Variants in CDH6 observed in about 807,000 individuals in gnomAD.
CDH6 encodes the protein cadherin-6.
A neutral mutation model predicts 78.0 loss-of-function variants in CDH6; 31 were observed. That is an observed-to-expected ratio of 0.40 (90% CI 0.30 to 0.54). The LOEUF is 0.54. Among genes scored for constraint, CDH6 ranks in the 20% least tolerant of loss-of-function variants. The pLI is 0.56. For synonymous variants in CDH6, 376 were observed against 368.8 expected (o/e 1.02, Z -0.23); for missense variants, 724 against 975.9 (o/e 0.74, Z 3.44).
chr5:31,200,001 C>G (rs1293143099), intron 1 of CDH6, among the ~76,000 whole-genome samples: 1 of 151,856 alleles, frequency 6.6e-6, no homozygotes, highest in Non-Finnish European at 1.5e-5. Flanking sequence ...GTTGTGATGT[C>G]TTAGAAGTAA....
intron 2 of CDH6, among the ~76,000 whole-genome samples, chr5:31,271,221 T>C (rs1742520693): frequency 6.6e-6 from 1 of 152,150 alleles, no homozygotes; most frequent in Non-Finnish European, 1.5e-5. Context: ...TTGTGATAAG[T>C]CATCGTAGGA....
rs533657049 is a variant in CDH6, at chr5:31,211,083, G to A, written c.-129+17197G>A. Reference sequence around the variant, plus strand: ...TTTATTTTAGCCTGTGTGTGAAGTGGGTTTTTGGTGTGTTTGTTTTGGGAA... The same window carrying A: ...TTTATTTTAGCCTGTGTGTGAAGTGAGTTTTTGGTGTGTTTGTTTTGGGAA... On this transcript the variant is annotated intron_variant, in intron 1 of 11. Coordinates refer to ENST00000265071, the MANE Select transcript of CDH6 (RefSeq NM_004932.4). Among the ~76,000 whole-genome samples the A allele has an allele frequency of 9.2e-5, 14 of 152,256 alleles. No individual in the cohort carries two copies. In the East Asian group the frequency reaches 2.7e-3, roughly 29 times the overall value.
At chr5:31,216,035 T>A (rs897163611) in intron 1 of CDH6, among the ~76,000 whole-genome samples, 1 of 151,932 alleles carries the variant, frequency 6.6e-6, no homozygotes, top group Non-Finnish European at 1.5e-5. Context: ...TATAAAGGGG[T>A]CTTAAGGTGT....
rs1738608211 is a variant in CDH6 at position 31,325,582 on chromosome 5, G to C, written c.*2274G>C. 1 of 230,534 alleles carries C rather than the reference G, an allele frequency of 4.3e-6. No individual in the cohort carries two copies. Among genetic ancestry groups the C allele is most frequent in the Non-Finnish European group, 8.6e-6 (1 of 116,532 alleles). 14.3% of individuals were successfully genotyped at this position (230,534 alleles called of 1,614,324 possible). ...AGGAAGATAGTCCTGTAAAAAGAAAGGTATCATCTGAAGTTGAGGATTGAC... is the reference window on the plus strand; with the variant it reads ...AGGAAGATAGTCCTGTAAAAAGAAACGTATCATCTGAAGTTGAGGATTGAC... On this transcript the variant is annotated 3_prime_UTR_variant, in exon 12 of 12. Coordinates refer to ENST00000265071, the MANE Select transcript of CDH6 (RefSeq NM_004932.4).
chr5:31,264,839 A>C (rs559045305), intron 1 of CDH6, among the ~76,000 whole-genome samples: 1 of 152,354 alleles, frequency 6.6e-6, no homozygotes, highest in African/African-American at 2.4e-5. Flanking sequence ...TTACCAACTA[A>C]GAAAAAGAAT....
At chr5:31,237,559 C>G (rs1167369074) in intron 1 of CDH6, among the ~76,000 whole-genome samples, 1 of 152,100 alleles carries the variant, frequency 6.6e-6, no homozygotes, top group Non-Finnish European at 1.5e-5. Flanking sequence ...ATAGAATCTC[C>G]AACCCTGAAC....
intron 1 of CDH6, among the ~76,000 whole-genome samples, chr5:31,224,475 A>G (rs1028946407): frequency 6.6e-6 from 1 of 152,204 alleles, no homozygotes; most frequent in South Asian, 2.1e-4. Flanking sequence ...TAAGTAAATT[A>G]TCTAAAGTAA....
At chr5:31,289,623 C>A (rs138211242) in intron 2 of CDH6, among the ~76,000 whole-genome samples, 2 of 152,276 alleles carry the variant, frequency 1.3e-5, no homozygotes, top group African/African-American at 4.8e-5. Context: ...TTTCTCCACA[C>A]CCTCACCAAC....
At chr5:31,308,889 A>G (rs973254625) in intron 7 of CDH6, among the ~76,000 whole-genome samples, 1 of 152,126 alleles carries the variant, frequency 6.6e-6, no homozygotes, top group Non-Finnish European at 1.5e-5. Context: ...GAAGCAGCAC[A>G]TCTTAAGCTT....
At chr5:31,313,498 G>T in intron 8 of CDH6, 44 bp downstream of exon 8, 1 of 1,562,122 alleles carries the variant, frequency 6.4e-7, no homozygotes, top group South Asian at 1.2e-5. Context: ...TTAATAGACT[G>T]AGTGTCCCAG....
chr5:31,241,049 G>A (rs1421152379), intron 1 of CDH6, among the ~76,000 whole-genome samples: 1 of 152,204 alleles, frequency 6.6e-6, no homozygotes, highest in African/African-American at 2.4e-5. Context: ...ACTGGATTGG[G>A]GAGAGATTGT....
chr5:31,313,353 T>C lies in CDH6; in HGVS notation c.1289T>C (p.Ile430Thr), dbSNP rs1738207633. Reference sequence around the variant, plus strand: ...GATCGACACACAGATATGGACAGAATATTCAACATTGATTCTGGAAATGGT... The same window carrying C: ...GATCGACACACAGATATGGACAGAACATTCAACATTGATTCTGGAAATGGT... ...SVDRHTDMDR[I>T]FNIDSGNGSI... The change falls in exon 8 of 12, where the codon ATA becomes ACA. Residue 430 changes from isoleucine to threonine, a missense_variant. Physicochemically the swap from Ile to Thr is moderately conservative, Grantham distance 89. Coordinates refer to ENST00000265071, the MANE Select transcript of CDH6 (RefSeq NM_004932.4). 6.2e-7 allele frequency: 1 copy of C among 1,613,646 alleles called. No individual in the cohort carries two copies. The highest frequency in any genetic ancestry group is 1.7e-5 in the Admixed American group (1 of 60,008).
chr5:31,204,429 G>A (rs1275754923), intron 1 of CDH6, among the ~76,000 whole-genome samples: 1 of 152,142 alleles, frequency 6.6e-6, no homozygotes, highest in East Asian at 1.9e-4. Context: ...TATGAAGTTG[G>A]AAGCAACATA....
In CDH6 at chr5:31,264,793, GA is replaced by G. The variant is rs1404927610; in HGVS notation, c.-128-2550del. ...AAAATTAGATGTTGTAGCCTACTTG[GA>G]AATACTACTTAAATTTTTATCACTT... On this transcript the variant is annotated intron_variant, in intron 1 of 11. Coordinates refer to ENST00000265071, the MANE Select transcript of CDH6 (RefSeq NM_004932.4). Among the ~76,000 whole-genome samples, 5 of 152,248 alleles carry G rather than the reference GA, an allele frequency of 3.3e-5. No individual in the cohort carries two copies. In the East Asian group the frequency reaches 9.6e-4, roughly 29 times the overall value.
At chr5:31,285,491 A>G (rs1166631692) in intron 2 of CDH6, among the ~76,000 whole-genome samples, 1 of 152,182 alleles carries the variant, frequency 6.6e-6, no homozygotes, top group Non-Finnish European at 1.5e-5. Flanking sequence ...TTTTTTCTGT[A>G]TATTTTATTC....
chr5:31,195,923 G>A (rs1363029654), intron 1 of CDH6, among the ~76,000 whole-genome samples: 3 of 152,162 alleles, frequency 2.0e-5, no homozygotes, highest in African/African-American at 7.2e-5. Context: ...AAGGAAAATG[G>A]TGCCAATTCA....
intron 2 of CDH6, among the ~76,000 whole-genome samples, chr5:31,280,922 A>T (rs1742847154): frequency 1.3e-5 from 2 of 151,960 alleles, no homozygotes; most frequent in African/African-American, 4.8e-5. Context: ...AAAAAAACTA[A>T]TAAATGAGCT....
chr5:31,329,049 A>G lies in CDH6; in HGVS notation c.*5741A>G, dbSNP rs1738675818. On this transcript the variant is annotated 3_prime_UTR_variant, in exon 12 of 12. Transcript: ENST00000265071. ...TAAATTTGAAAAGAATGCAATTTAA[A>G]AAGTGATTTCTCACAAAGAGTAAAT... 4.7e-6 allele frequency: 1 copy of G among 210,726 alleles called. No individual in the cohort carries two copies. Among genetic ancestry groups the G allele is most frequent in the African/African-American group, 2.3e-5 (1 of 44,064 alleles). The allele number at this position is 210,726 out of a possible 1,614,324, so 13.1% of individuals were successfully genotyped here. A position where few individuals can be genotyped will look rare whatever the true frequency, so the allele number is the denominator to read the frequency against.
chr5:31,262,894 G>T (rs1034157628), intron 1 of CDH6, among the ~76,000 whole-genome samples: 2 of 152,110 alleles, frequency 1.3e-5, no homozygotes, highest in Non-Finnish European at 2.9e-5. Context: ...TCTCAAAGTT[G>T]CGCTGCTTCC....
Sources: allele counts gnomAD v4.1 joint callset (sites outside exome capture counted in the v4.1 genomes callset), GRCh38; gene constraint gnomAD v4.1.1; transcripts MANE v1.5; gene names NCBI Gene and HGNC (gene_info 2026-07-23, HGNC 2026-07-21).